KDM5B: variants seen among roughly 807,000 people sequenced by gnomAD.
KDM5B encodes the protein lysine demethylase 5B.
In KDM5B, 144 loss-of-function variants were observed where a neutral mutation model predicts 193.4. That is an observed-to-expected ratio of 0.74 (90% CI 0.65 to 0.86). The LOEUF (loss-of-function observed/expected upper bound fraction) is 0.86, where lower values mean the gene tolerates loss of function less well. KDM5B is among the 40% of genes least tolerant of loss of function. KDM5B has a pLI of 0.00. For synonymous variants in KDM5B, 668 were observed against 682.6 expected (o/e 0.98, Z 0.33); for missense variants, 1,833 against 1,886.9 (o/e 0.97, Z 0.53).
rs921368159 is a variant in KDM5B at position 202,733,260 on chromosome 1, T to A, written c.3909+141A>T. On this transcript the variant is annotated intron_variant, in intron 23 of 26. Transcript: ENST00000367265. ...ATGTTATACCTGCATGGTCTTGAAG[T>A]GGGAAGCTACAGGTAAAGTGGGTGC... 2.1e-5 allele frequency: 17 copies of A among 824,682 alleles called. No individual in the cohort carries two copies. The South Asian group carries it at 2.9e-4, about 14-fold the overall frequency. The allele number at this position is 824,682 out of a possible 1,614,324, so 51.1% of individuals were successfully genotyped here. A position where few individuals can be genotyped will look rare whatever the true frequency, so the allele number is the denominator to read the frequency against.
rs188105298 is a variant in KDM5B, at chr1:202,751,813, A to G, written c.1702-1035T>C. 1.0e-3 allele frequency among the ~76,000 whole-genome samples: 159 copies of G among 152,300 alleles called. 2 individuals carry two copies. Among genetic ancestry groups the G allele is most frequent in the African/African-American group, 3.8e-3 (157 of 41,556 alleles). The stretch of plus-strand genomic sequence containing the variant: ...AATCTAACTCCAGAAAGTTTGCTCA[A>G]TTATTAAAGAACCAGGGTCAGGTCT... On this transcript the variant is annotated intron_variant, in intron 12 of 26. Coordinates refer to ENST00000367265, the MANE Select transcript of KDM5B (RefSeq NM_006618.5).
chr1:202,730,893 C>G lies in KDM5B; in HGVS notation c.4176+16G>C, dbSNP rs969337443. ...CCCAGACTGTGCCTTGCCCCAGAAG[C>G]CTCTCAGACACTCACCTTCTCACTG... On this transcript the variant is annotated intron_variant, in intron 25 of 26. Coordinates refer to ENST00000367265, the MANE Select transcript of KDM5B (RefSeq NM_006618.5). The G allele has an allele frequency of 1.3e-6, 2 of 1,574,106 alleles. No homozygotes were observed. Among genetic ancestry groups the G allele is most frequent in the Non-Finnish European group, 1.7e-6 (2 of 1,157,142 alleles).
At chr1:202,760,381 T>A (rs536458054) in intron 8 of KDM5B, 34 bp downstream of exon 8, 16 of 1,501,234 alleles carry the variant, frequency 1.1e-5, no homozygotes, top group African/African-American at 1.4e-5. Flanking sequence ...CCTAAAAAAA[T>A]TTTTCTAGTG....
chr1:202,768,968 C>T (rs1656591470), intron 4 of KDM5B, among the ~76,000 whole-genome samples: 1 of 151,990 alleles, frequency 6.6e-6, no homozygotes, highest in Admixed American at 6.6e-5. Context: ...CCCGCCTCAG[C>T]CTCCCAAAGT....
rs1194946440 is a variant in KDM5B at position 202,769,027 on chromosome 1, ATTCTTTTTTT to A, written c.577-1977_577-1968del. ...CTGCACCCGGCCTACGGCCTATTATATTCTTTTTTTTTCTTTTTTTTTTTTTTGAGACAGA... is the reference window on the plus strand; with the variant it reads ...CTGCACCCGGCCTACGGCCTATTATATTCTTTTTTTTTTTTTTGAGACAGA... On this transcript the variant is annotated intron_variant, in intron 4 of 26. Transcript: ENST00000367265. Among the ~76,000 whole-genome samples the A allele has an allele frequency of 6.7e-5, 9 of 133,824 alleles. No homozygotes were observed. In the South Asian group the frequency reaches 1.2e-3, roughly 17 times the overall value. 87.8% of individuals were successfully genotyped at this position (133,824 alleles called of 152,430 possible).
rs1654985935 is a variant in KDM5B, at chr1:202,733,770, T to C, written c.3540A>G (p.Leu1180=). The C allele has an allele frequency of 1.2e-6, 2 of 1,614,176 alleles. No homozygotes were observed. The highest frequency in any genetic ancestry group is 8.5e-7 in the Non-Finnish European group (1 of 1,180,004). The change falls in exon 23 of 27, where the codon CTA becomes CTG. Residue 1180 remains leucine, a synonymous_variant. Transcript: ENST00000367265. ...TAGGGGCAGCTGGGGCCTTCTGACA[T>C]AGGCAGATTTTTATATCCACATCTT... ...PLQDVDIKIC[L]CQKAPAAPMI...
Position 202,741,701 on chromosome 1 carries a change from C to T in KDM5B, c.2611G>A (p.Asp871Asn). The change falls in exon 19 of 27, where the codon GAT (aspartate) becomes AAT (asparagine). Residue 871 changes from aspartate (D) to asparagine (N), a missense_variant. Asp to Asn is a conservative substitution (Grantham distance 23, BLOSUM62 1). Transcript: ENST00000367265. ...AGTTTCTGACTATGCTGTTGAAAAT[C>T]TTCTACACGATTCAAGAGATCCTAA... ...LLKDLLNRVEDFQQHSQKLLS... is the reference protein window; with the variant it reads ...LLKDLLNRVENFQQHSQKLLS... 1 of 1,608,454 alleles carries T rather than the reference C, an allele frequency of 6.2e-7. No homozygotes were observed. Among genetic ancestry groups the T allele is most frequent in the Non-Finnish European group, 8.5e-7 (1 of 1,176,714 alleles).
At chr1:202,792,507 T>C (rs572879080) in intron 1 of KDM5B, among the ~76,000 whole-genome samples, 1 of 152,336 alleles carries the variant, frequency 6.6e-6, no homozygotes, top group Non-Finnish European at 1.5e-5. Flanking sequence ...CTGGAGTTGA[T>C]GAGCCAGGAG....
At chr1:202,786,056 A>G (rs1657397921) in intron 1 of KDM5B, among the ~76,000 whole-genome samples, 1 of 151,728 alleles carries the variant, frequency 6.6e-6, no homozygotes, top group Non-Finnish European at 1.5e-5. Context: ...CTGGAGTGCA[A>G]TGGCATAAAC....
chr1:202,770,995 A>G (rs750915518), intron 4 of KDM5B, among the ~76,000 whole-genome samples: 1 of 152,226 alleles, frequency 6.6e-6, no homozygotes, highest in Non-Finnish European at 1.5e-5. Flanking sequence ...TTTTAACCAT[A>G]AAACTACATT....
chr1:202,733,004 GA>G (rs1654943099), intron 23 of KDM5B, among the ~76,000 whole-genome samples: 1 of 152,214 alleles, frequency 6.6e-6, no homozygotes, highest in African/African-American at 2.4e-5. Context: ...TAAAAGGCAG[GA>G]AGTGTTTTCC....
At chr1:202,752,859 G>A (rs1376329778) in intron 12 of KDM5B, 46 bp downstream of exon 12, 1 of 1,529,772 alleles carries the variant, frequency 6.5e-7, no homozygotes, top group South Asian at 1.2e-5. Context: ...AAAAAGAGAA[G>A]TGGTGAATTA....
intron 7 of KDM5B, among the ~76,000 whole-genome samples, chr1:202,761,374 G>A (rs1656243965): frequency 6.6e-6 from 1 of 152,112 alleles, no homozygotes; most frequent in African/African-American, 2.4e-5. Flanking sequence ...GAGCCCAGGA[G>A]TTCAAGGCAG....
At chr1:202,760,995 T>C (rs886848396) in intron 7 of KDM5B, among the ~76,000 whole-genome samples, 2 of 150,932 alleles carry the variant, frequency 1.3e-5, no homozygotes, top group African/African-American at 2.4e-5. Context: ...ACCACTGCGC[T>C]CTAGCCTGGG....
At chr1:202,763,708 G>A (rs568442678) in intron 6 of KDM5B, among the ~76,000 whole-genome samples, 4 of 152,234 alleles carry the variant, frequency 2.6e-5, no homozygotes, top group East Asian at 1.9e-4. Flanking sequence ...TCAGACATTC[G>A]GTCAAAGGCA....
chr1:202,799,013 C>G (rs1657966344), intron 1 of KDM5B, among the ~76,000 whole-genome samples: 1 of 152,068 alleles, frequency 6.6e-6, no homozygotes, highest in Non-Finnish European at 1.5e-5. Context: ...GAGCAAGACT[C>G]TGTCCCCGGG....
chr1:202,807,915 C>T (rs937557504), intron 1 of KDM5B, among the ~76,000 whole-genome samples, 187 bp downstream of exon 1: 2 of 152,006 alleles, frequency 1.3e-5, no homozygotes, highest in African/African-American at 4.8e-5. Flanking sequence ...CTCCTCATCT[C>T]CCACCCTGGA....
chr1:202,748,117 T>C lies in KDM5B; in HGVS notation c.2016+828A>G, dbSNP rs1397109010. Among the ~76,000 whole-genome samples, 7 of 152,318 alleles carry C rather than the reference T, an allele frequency of 4.6e-5. No individual in the cohort carries two copies. In the East Asian group the frequency reaches 5.8e-4, roughly 13 times the overall value. Reference sequence around the variant, plus strand: ...AATAGACCCATACTTATGTGGTGAATTGATTTTCAACAAAGGTGCCAAAGC... The same window carrying C: ...AATAGACCCATACTTATGTGGTGAACTGATTTTCAACAAAGGTGCCAAAGC... On this transcript the variant is annotated intron_variant, in intron 14 of 26. Transcript: ENST00000367265.
chr1:202,792,762 G>A (rs892909552), intron 1 of KDM5B, among the ~76,000 whole-genome samples: 5 of 152,164 alleles, frequency 3.3e-5, no homozygotes, highest in Non-Finnish European at 7.3e-5. Context: ...TTGGGAGGCT[G>A]AGGTGGGTGG....
Sources: allele counts gnomAD v4.1 joint callset (sites outside exome capture counted in the v4.1 genomes callset), GRCh38; gene constraint gnomAD v4.1.1; transcripts MANE v1.5; gene names NCBI Gene and HGNC (gene_info 2026-07-23, HGNC 2026-07-21).